Variants in SMAP2 observed in about 807,000 individuals in gnomAD.
SMAP2 encodes the protein small ArfGAP2.
A neutral mutation model predicts 56.4 loss-of-function variants in SMAP2; 25 were observed. That is an observed-to-expected ratio of 0.44 (90% CI 0.32 to 0.62). The LOEUF is 0.62. Ranked by LOEUF, SMAP2 falls within the 20% of genes least tolerant of loss-of-function variation. The probability of loss-of-function intolerance (pLI) is 0.04; values close to 1 mark genes in which losing one functional copy is unlikely to be tolerated. For missense variants in SMAP2, 388 were observed against 545.6 expected (o/e 0.71, Z 2.88); for synonymous variants, 157 against 181.7 (o/e 0.86, Z 1.09).
In SMAP2 at chr1:40,400,580, A is replaced by G. The variant is rs1644822670; in HGVS notation, c.104-6156A>G. ...GTCTTGGTGATGTGGGGGCTGAAGG[A>G]GAGAGGTTTCATGATGCATAATTTT... On this transcript the variant is annotated intron_variant, in intron 1 of 9. Transcript: ENST00000372718. Among the ~76,000 whole-genome samples the G allele has an allele frequency of 3.3e-5, 5 of 152,330 alleles. No individual in the cohort carries two copies. The South Asian group carries it at 1.0e-3, about 32-fold the overall frequency.
chr1:40,358,699 G>A lies in SMAP2; in HGVS notation c.-82-3601G>A, dbSNP rs557345818. Among the ~76,000 whole-genome samples the A allele has an allele frequency of 1.2e-4, 18 of 152,264 alleles. No individual in the cohort carries two copies. The East Asian group carries it at 2.3e-3, about 20-fold the overall frequency. Reference sequence around the variant, plus strand: ...TGCTGAGGAGAAGAATATGTATTCCGCAGCTGTTGTATGAAATGTTTTGTA... The same window carrying A: ...TGCTGAGGAGAAGAATATGTATTCCACAGCTGTTGTATGAAATGTTTTGTA... On this transcript the variant is annotated intron_variant, in intron 1 of 6. Coordinates refer to the SMAP2 transcript ENST00000435168.
intron 9 of SMAP2, 112 bp from the exon 10 acceptor site, chr1:40,421,864 C>T: frequency 8.0e-7 from 1 of 1,255,418 alleles, no homozygotes; most frequent in African/African-American, 1.5e-5. Flanking sequence ...ACAGAGTTTC[C>T]CTTTGTCTCA....
At position 40,422,128 on chromosome 1, in the gene SMAP2, T is replaced by A; in HGVS notation, c.*27T>A. 6.2e-7 allele frequency: 1 copy of A among 1,612,644 alleles called. No homozygotes were observed. The highest frequency in any genetic ancestry group is 8.5e-7 in the Non-Finnish European group (1 of 1,179,556). On this transcript the variant is annotated 3_prime_UTR_variant, in exon 10 of 10. Transcript: ENST00000372718. ...AACAAAACACCTGTATGGCTGCCAT[T>A]CTCTTCAGCCCTCGCTCTCCCCTTT...
chr1:40,364,906 C>T (rs575883288), intron 2 of SMAP2: 3 of 219,892 alleles, frequency 1.4e-5, no homozygotes, highest in East Asian at 1.0e-4. Context: ...AATCCTTGGC[C>T]CAGGCCTAAA....
rs142343924 is a variant in SMAP2, at chr1:40,377,660, G to A, written c.103+3437G>A. Among the ~76,000 whole-genome samples the A allele has an allele frequency of 3.4e-3, 514 of 152,278 alleles. 3 individuals carry two copies. Among genetic ancestry groups the A allele is most frequent in the South Asian group, 5.2e-3 (25 of 4,822 alleles). ...GGTAACTCTGGCTGATTGAGGCTGG[G>A]TTCCATTTTTGGGTATGGGTCATAC... is the stretch of plus-strand genomic sequence containing the variant. On this transcript the variant is annotated intron_variant, in intron 1 of 9. Coordinates refer to ENST00000372718, the MANE Select transcript of SMAP2 (RefSeq NM_022733.3).
intron 7 of SMAP2, 26 bp downstream of exon 7, chr1:40,415,407 T>A (rs777181675): frequency 3.6e-6 from 5 of 1,407,990 alleles, no homozygotes; most frequent in Non-Finnish European, 5.0e-6. Flanking sequence ...TCCTCAGGAT[T>A]AAAGAACATT....
chr1:40,359,381 G>A lies in SMAP2; in HGVS notation c.-82-2919G>A, dbSNP rs1180145777. 2.6e-5 allele frequency among the ~76,000 whole-genome samples: 4 copies of A among 152,346 alleles called. No homozygotes were observed. In the East Asian group the frequency reaches 7.7e-4, roughly 29 times the overall value. ...GCCTCCCAAAGTGCTGGGATTACAG[G>A]CATGAGCCACCGCACCCCTATTTGT... On this transcript the variant is annotated intron_variant, in intron 1 of 6. Coordinates refer to the SMAP2 transcript ENST00000435168.
intron 1 of SMAP2, among the ~76,000 whole-genome samples, chr1:40,347,113 G>A (rs904984011): frequency 2.0e-5 from 3 of 151,362 alleles, no homozygotes; most frequent in Non-Finnish European, 2.9e-5. Flanking sequence ...GCATGATCTC[G>A]GCTCACTGCA....
chr1:40,355,420 T>C (rs1205509718), intron 1 of SMAP2, among the ~76,000 whole-genome samples: 1 of 152,202 alleles, frequency 6.6e-6, no homozygotes, highest in Non-Finnish European at 1.5e-5. Context: ...TTAATTTTTG[T>C]GTGTACATAG....
At position 40,385,068 on chromosome 1, in the gene SMAP2, G is replaced by A. The variant is rs932675951; in HGVS notation, c.103+10845G>A. 2.0e-5 allele frequency among the ~76,000 whole-genome samples: 3 copies of A among 152,066 alleles called. No individual in the cohort carries two copies. The highest frequency in any genetic ancestry group is 2.0e-4 in the Admixed American group (3 of 15,268). ...CCCCAGTGGAAAGCCCCAGAGATGA[G>A]CCAGATCTGCCTCAGCTGTGGCCAT... On this transcript the variant is annotated intron_variant, in intron 1 of 9. Coordinates refer to ENST00000372718, the MANE Select transcript of SMAP2 (RefSeq NM_022733.3). This position sits in a 1 kb window ranked among gnomAD's most constrained non-coding sequence, Gnocchi z 4.5.
intron 1 of SMAP2, among the ~76,000 whole-genome samples, chr1:40,405,447 C>T (rs1043499421): frequency 6.6e-6 from 1 of 152,152 alleles, no homozygotes; most frequent in Non-Finnish European, 1.5e-5. Flanking sequence ...TATGATCGTG[C>T]CACAGCACTC....
intron 6 of SMAP2, among the ~76,000 whole-genome samples, chr1:40,415,013 C>T (rs2294753): frequency 0.18 from 26,653 of 152,214 alleles, 2,806 homozygotes; most frequent in Middle Eastern, 0.31. Context: ...GCCAGCCCCC[C>T]ACTGTGGTGC....
At chr1:40,419,767 C>T (rs1379470880) in intron 9 of SMAP2, among the ~76,000 whole-genome samples, 1 of 152,192 alleles carries the variant, frequency 6.6e-6, no homozygotes, top group African/African-American at 2.4e-5. Flanking sequence ...CAAAGAAATA[C>T]AAAGTGATTT....
intron 4 of SMAP2, among the ~76,000 whole-genome samples, chr1:40,410,123 T>G (rs1336691412): frequency 6.6e-6 from 1 of 151,546 alleles, no homozygotes; most frequent in Admixed American, 6.6e-5. Flanking sequence ...TACATGCCTG[T>G]AATAACCAGC....
intron 1 of SMAP2, among the ~76,000 whole-genome samples, chr1:40,402,982 C>T (rs1644850332): frequency 6.6e-6 from 1 of 151,962 alleles, no homozygotes; most frequent in African/African-American, 2.4e-5. Context: ...GTAGTGGGGG[C>T]ATATGCAAGC....
At chr1:40,364,025 A>C (rs1234555151) in intron 2 of SMAP2, among the ~76,000 whole-genome samples, 1 of 152,228 alleles carries the variant, frequency 6.6e-6, no homozygotes, top group Non-Finnish European at 1.5e-5. Flanking sequence ...CAGCTTTCTA[A>C]ATGAACAGGT....
At chr1:40,389,301 G>A (rs1429960181) in intron 1 of SMAP2, among the ~76,000 whole-genome samples, 1 of 63,468 alleles carries the variant, frequency 1.6e-5, no homozygotes, top group Non-Finnish European at 3.0e-5. Context: ...AACAGCTACT[G>A]CATTATTATT....
intron 1 of SMAP2, among the ~76,000 whole-genome samples, chr1:40,359,824 C>A (rs1468963750): frequency 6.6e-6 from 1 of 151,954 alleles, no homozygotes; most frequent in East Asian, 1.9e-4. Context: ...AACACTTTAT[C>A]CCCCTCCTTT....
chr1:40,419,639 A>T (rs926070714), intron 9 of SMAP2, among the ~76,000 whole-genome samples: 3 of 152,202 alleles, frequency 2.0e-5, no homozygotes, highest in African/African-American at 7.2e-5. Flanking sequence ...ACACAGTAAA[A>T]ATCTAATATG....
Sources: gnomAD v4.1 joint callset for allele counts (sites outside exome capture counted in the v4.1 genomes callset) on GRCh38, gnomAD v4.1.1 for gene constraint, Gnocchi (gnomAD v3.1) non-coding constraint, MANE v1.5 for transcripts, NCBI Gene and HGNC (gene_info 2026-07-23, HGNC 2026-07-21) for gene names.